CLASP1: variants seen among roughly 807,000 people sequenced by gnomAD.
CLASP1 encodes cytoplasmic linker associated protein 1.
A neutral mutation model predicts 192.3 loss-of-function variants in CLASP1; 38 were observed. That is an observed-to-expected ratio of 0.20 (90% CI 0.15 to 0.26). The LOEUF (loss-of-function observed/expected upper bound fraction) is 0.26, where lower values mean the gene tolerates loss of function less well. CLASP1 is among the 10% of genes least tolerant of loss of function. The pLI, the probability that CLASP1 is intolerant of heterozygous loss-of-function variation, is 1.00. For missense variants in CLASP1, 1,433 were observed against 1,932.5 expected (o/e 0.74, Z 4.85); for synonymous variants, 691 against 712.8 (o/e 0.97, Z 0.49).
At chr2:121,497,076 G>A (rs1237975315) in intron 8 of CLASP1, among the ~76,000 whole-genome samples, 1 of 152,170 alleles carries the variant, frequency 6.6e-6, no homozygotes, top group Non-Finnish European at 1.5e-5. Flanking sequence ...CCAGGAAGGG[G>A]AGGGGGAAGA....
chr2:121,585,967 G>A (rs1210497866), intron 2 of CLASP1, among the ~76,000 whole-genome samples: 2 of 151,784 alleles, frequency 1.3e-5, no homozygotes, highest in African/African-American at 4.8e-5. Context: ...CTACTTGGGG[G>A]AAAAAATAGT....
At chr2:121,381,318 AC>A (rs928693956) in intron 33 of CLASP1, among the ~76,000 whole-genome samples, 3 of 150,958 alleles carry the variant, frequency 2.0e-5, no homozygotes, top group Non-Finnish European at 3.0e-5. Flanking sequence ...TTTTTTTTTA[AC>A]CCTTTTCCTA....
At chr2:121,346,958 C>T in intron 39 of CLASP1, 80 bp downstream of exon 40, 1 of 835,944 alleles carries the variant, frequency 1.2e-6, no homozygotes, top group Non-Finnish European at 1.9e-6. Context: ...TGTCTGGAAT[C>T]CAGAGCTGCA....
intron 1 of CLASP1, among the ~76,000 whole-genome samples, chr2:121,619,665 A>G (rs1052854682): frequency 8.5e-5 from 13 of 152,242 alleles, no homozygotes; most frequent in South Asian, 6.2e-4. Flanking sequence ...GTATTTTAAT[A>G]AAGTAAATTT....
intron 7 of CLASP1, among the ~76,000 whole-genome samples, chr2:121,510,340 AAG>A (rs1298702355): frequency 6.6e-6 from 1 of 152,246 alleles, no homozygotes; most frequent in African/African-American, 2.4e-5. Flanking sequence ...TTAATGAAAT[AAG>A]AACCTTGAAA....
intron 37 of CLASP1, among the ~76,000 whole-genome samples, chr2:121,362,029 CG>C (rs2066510270): frequency 6.6e-6 from 1 of 152,186 alleles, no homozygotes. Context: ...GTCACACAAA[CG>C]CCAAACAGAA....
At chr2:121,518,866 A>G (rs2094391861) in intron 6 of CLASP1, among the ~76,000 whole-genome samples, 2 of 152,210 alleles carry the variant, frequency 1.3e-5, no homozygotes, top group African/African-American at 2.4e-5. Flanking sequence ...TGACAGAACA[A>G]GACGCTGTCT....
At chr2:121,579,311 A>G (rs2060885834) in intron 2 of CLASP1, among the ~76,000 whole-genome samples, 1 of 152,198 alleles carries the variant, frequency 6.6e-6, no homozygotes, top group African/African-American at 2.4e-5. Flanking sequence ...CCCCTCTTCT[A>G]GCTCACTTGT....
In CLASP1 at chr2:121,340,765, T is replaced by A. The variant is rs1045971514; in HGVS notation, c.*96A>T. ...TTGTAATAAATATTTGTGGGCCTCC[T>A]TGTACTGACTGGGCAGCCGATGAAG... On this transcript the variant is annotated 3_prime_UTR_variant, in exon 40 of 40. Coordinates refer to ENST00000263710, the Ensembl canonical transcript of CLASP1. The A allele has an allele frequency of 4.6e-5, 41 of 891,778 alleles. No homozygotes were observed. The East Asian group carries it at 1.0e-3, about 22-fold the overall frequency. The allele number at this position is 891,778 out of a possible 1,614,324, so 55.2% of individuals were successfully genotyped here.
chr2:121,524,736 C>T (rs2094534377), intron 6 of CLASP1, among the ~76,000 whole-genome samples: 1 of 152,160 alleles, frequency 6.6e-6, no homozygotes. Flanking sequence ...GGATTACTGG[C>T]ATGAGCCACC....
intron 6 of CLASP1, among the ~76,000 whole-genome samples, chr2:121,523,741 G>A (rs2094508609): frequency 2.0e-5 from 3 of 152,162 alleles, no homozygotes; most frequent in Admixed American, 2.0e-4. Flanking sequence ...CTTTCCTCTG[G>A]AGGATGTGGT....
intron 1 of CLASP1, among the ~76,000 whole-genome samples, chr2:121,620,952 G>A (rs931439194): frequency 1.5e-4 from 23 of 152,052 alleles, no homozygotes; most frequent in African/African-American, 5.6e-4. Flanking sequence ...AAGAAGCCAC[G>A]CACGGTGGCT....
intron 24 of CLASP1, 81 bp downstream of exon 25, chr2:121,410,785 G>C (rs191747172): frequency 1.3e-6 from 1 of 744,442 alleles, no homozygotes; most frequent in Non-Finnish European, 2.1e-6. Context: ...ACCTGATTTG[G>C]GGGCAATTTC....
At position 121,474,629 on chromosome 2, in the gene CLASP1, G is replaced by A. The variant is rs7561895; in HGVS notation, c.713-4669C>T. On this transcript the variant is annotated intron_variant, in intron 8 of 39. Coordinates refer to ENST00000263710, the Ensembl canonical transcript of CLASP1. Reference sequence around the variant, plus strand: ...TGGGTGCCTGTAGTCGCAGCTACTCGGGAGGCTGAGGCAGGAGAATGGCGT... The same window carrying A: ...TGGGTGCCTGTAGTCGCAGCTACTCAGGAGGCTGAGGCAGGAGAATGGCGT... Among the ~76,000 whole-genome samples, 754 of 152,230 alleles carry A rather than the reference G, an allele frequency of 5.0e-3. 9 individuals carry two copies. Among genetic ancestry groups the A allele is most frequent in the African/African-American group, 0.017 (727 of 41,554 alleles).
chr2:121,465,501 C>T (rs1427101909), intron 9 of CLASP1, among the ~76,000 whole-genome samples: 1 of 152,154 alleles, frequency 6.6e-6, no homozygotes, highest in African/African-American at 2.4e-5. Context: ...CTACAAACCA[C>T]TGCTCAATGA....
Position 121,503,228 on chromosome 2 carries a change from A to G in CLASP1, c.651T>C (p.Asn217=), listed in dbSNP as rs909004977. 2.6e-6 allele frequency: 4 copies of G among 1,526,706 alleles called. No homozygotes were observed. In the African/African-American group the frequency reaches 4.1e-5, roughly 16 times the overall value. The allele number at this position is 1,526,706 out of a possible 1,614,324, so 94.6% of individuals were successfully genotyped here. The change falls in exon 8 of 40, where the codon AAT becomes AAC. Residue 217 remains asparagine (N), a synonymous_variant. Transcript: ENST00000263710. ...CTTCATCAAATTTTGTAAAAATTACATTCAACCTGTATGAAAGAAAAATGT... is the reference window on the plus strand; with the variant it reads ...CTTCATCAAATTTTGTAAAAATTACGTTCAACCTGTATGAAAGAAAAATGT...
At chr2:121,433,271 G>C (rs948475526) in intron 19 of CLASP1, among the ~76,000 whole-genome samples, 6 of 149,678 alleles carry the variant, frequency 4.0e-5, no homozygotes, top group Non-Finnish European at 7.4e-5. Context: ...AGTGAGCCAA[G>C]ATCGTGCCAC....
At position 121,500,390 on chromosome 2, in the gene CLASP1, AAGAAAG is replaced by A. The variant is rs2150229049; in HGVS notation, c.712+2771_712+2776del. On this transcript the variant is annotated intron_variant, in intron 8 of 39. Coordinates refer to ENST00000263710, the Ensembl canonical transcript of CLASP1. The stretch of plus-strand genomic sequence containing the variant: ...AAAGAAAGAAAGAAAGAAAGAAAGA[AAGAAAG>A]AAAAGAAAGAAAGAAAGAAAAAAAA... 1.3e-5 allele frequency among the ~76,000 whole-genome samples: 2 copies of A among 149,808 alleles called. 1 individual carries two copies. The highest frequency in any genetic ancestry group is 4.2e-4 in the South Asian group (2 of 4,740).
At chr2:121,359,753 T>C (rs758895125) in intron 37 of CLASP1, among the ~76,000 whole-genome samples, 15 of 152,352 alleles carry the variant, frequency 9.8e-5, no homozygotes, top group Middle Eastern at 3.4e-3. Context: ...GAAAACATTA[T>C]GTCTAAGCTC....
Sources: gnomAD v4.1 joint callset for allele counts (sites outside exome capture counted in the v4.1 genomes callset) on GRCh38, gnomAD v4.1.1 for gene constraint, MANE v1.5 for transcripts, NCBI Gene and HGNC (gene_info 2026-07-23, HGNC 2026-07-21) for gene names.